The following POLR1B variants were observed in gnomAD, a reference collection of about 807,000 sequenced individuals.
POLR1B encodes the protein DNA-directed RNA polymerase I subunit RPA2.
In POLR1B, 30 loss-of-function variants were observed where a neutral mutation model predicts 105.8. That is an observed-to-expected ratio of 0.28 (90% CI 0.21 to 0.38). POLR1B has a LOEUF of 0.38. POLR1B is among the 10% of genes least tolerant of loss of function. POLR1B has a pLI of 1.00. For missense variants in POLR1B, 976 were observed against 1,435.8 expected (o/e 0.68, Z 5.17); for synonymous variants, 485 against 505.1 (o/e 0.96, Z 0.53).
intron 6 of POLR1B, 71 bp downstream of exon 6, chr2:112,552,069 GT>G: frequency 7.9e-7 from 1 of 1,269,022 alleles, no homozygotes; most frequent in African/African-American, 1.5e-5. Flanking sequence ...ATTGGTTGCA[GT>G]TTGGGCGGGC....
At chr2:112,542,806 A>G (rs1682831642) in intron 1 of POLR1B, 135 bp downstream of exon 1, 10 of 1,137,958 alleles carry the variant, frequency 8.8e-6, no homozygotes, top group Non-Finnish European at 1.1e-5. Flanking sequence ...GGAGAGCACA[A>G]CATGTTAAAC....
At chr2:112,547,761 A>T (rs1683133706) in intron 3 of POLR1B, among the ~76,000 whole-genome samples, 194 bp downstream of exon 3, 1 of 152,212 alleles carries the variant, frequency 6.6e-6, no homozygotes, top group South Asian at 2.1e-4. Flanking sequence ...TGGCTGTAAA[A>T]TTAGAGAATA....
Position 112,557,954 on chromosome 2 carries a change from TAAG to T in POLR1B, c.1207_1209del (p.Lys403del). The T allele has an allele frequency of 1.4e-6, 2 of 1,399,848 alleles. No individual in the cohort carries two copies. Among genetic ancestry groups the T allele is most frequent in the Non-Finnish European group, 1.9e-6 (2 of 1,063,570 alleles). 86.7% of individuals were successfully genotyped at this position (1,399,848 alleles called of 1,614,324 possible). On this transcript the variant is annotated inframe_deletion, in exon 8 of 15. Coordinates refer to ENST00000263331, the MANE Select transcript of POLR1B (RefSeq NM_019014.6). ...TAGTGTCTATTAAAATAGCTTTTGA[TAAG>T]AAGGCTCAGAAGACCAGTGTTTCCA...
At chr2:112,542,087 A>C (rs908319678), upstream of POLR1B, 1 of 1,533,804 alleles carries the variant, frequency 6.5e-7, no homozygotes, top group African/African-American at 1.4e-5. Context: ...GACTGGGAAC[A>C]GGTGAAGGGA....
upstream of POLR1B, chr2:112,542,251 G>A: frequency 6.5e-7 from 1 of 1,534,966 alleles, no homozygotes; most frequent in Non-Finnish European, 8.7e-7. Flanking sequence ...GAATATGGGA[G>A]AAAGGGAGGG....
intron 7 of POLR1B, among the ~76,000 whole-genome samples, chr2:112,555,036 C>T (rs138200335): frequency 3.9e-5 from 6 of 152,282 alleles, no homozygotes; most frequent in African/African-American, 1.4e-4. Flanking sequence ...TAAAAATTAG[C>T]TGGGCATGCT....
rs35318690 is a variant in POLR1B at position 112,552,769 on chromosome 2, A to C, written c.1111A>C (p.Asn371His). ...CMEDNPDSLV[N>H]QEVLTPGQLF... ...GGAGGACAATCCTGATAGTTTGGTG[A>C]ACCAGGAAGTCCTCACACCGGGTCA... Residue 371 changes from asparagine (N) to histidine (H), a missense_variant, in exon 7 of 15, where the codon AAC (asparagine) becomes CAC (histidine). This residue lies in a region of POLR1B where 452 missense variants were observed against 616.5 expected (regional missense o/e 0.73). Coordinates refer to ENST00000263331, the MANE Select transcript of POLR1B (RefSeq NM_019014.6). 757 of 1,608,772 alleles carry C rather than the reference A, an allele frequency of 4.7e-4. 3 individuals are homozygous for C. In the African/African-American group the frequency reaches 9.2e-3, roughly 20 times the overall value.
intron 14 of POLR1B, 55 bp from the exon 15 acceptor site, chr2:112,574,792 T>A: frequency 7.0e-7 from 1 of 1,436,898 alleles, no homozygotes; most frequent in Non-Finnish European, 9.5e-7. Flanking sequence ...CAATGAAACT[T>A]ATCTCCATAA....
chr2:112,552,499 T>C lies in POLR1B; in HGVS notation c.987-146T>C, dbSNP rs554051828. On this transcript the variant is annotated intron_variant, in intron 6 of 14. Coordinates refer to ENST00000263331, the MANE Select transcript of POLR1B (RefSeq NM_019014.6). ...CCAGTCACATGATAAGCACTTCAAATGTGGCCAGTGTAGCTCAAAAACTGA... is the reference window on the plus strand; with the variant it reads ...CCAGTCACATGATAAGCACTTCAAACGTGGCCAGTGTAGCTCAAAAACTGA... 7.6e-6 allele frequency: 6 copies of C among 793,254 alleles called. No homozygotes were observed. The South Asian group carries it at 1.1e-4, about 15-fold the overall frequency. 49.1% of individuals were successfully genotyped at this position (793,254 alleles called of 1,614,324 possible).
At chr2:112,543,173 G>A (rs191321622) in intron 1 of POLR1B, among the ~76,000 whole-genome samples, 2 of 152,328 alleles carry the variant, frequency 1.3e-5, no homozygotes, top group South Asian at 2.1e-4. Flanking sequence ...ATGAAAGCAA[G>A]ATTGAATCGA....
intron 5 of POLR1B, 144 bp downstream of exon 5, chr2:112,551,146 G>T: frequency 1.1e-6 from 1 of 876,396 alleles, no homozygotes; most frequent in Non-Finnish European, 1.8e-6. Context: ...AAATTCAATA[G>T]CTTAAAACTC....
At chr2:112,542,116 A>G, upstream of POLR1B, 3 of 1,535,690 alleles carry the variant, frequency 2.0e-6, no homozygotes, top group Non-Finnish European at 2.6e-6. Flanking sequence ...AGAGCCTGAG[A>G]AGACCGCTCT....
At position 112,575,399 on chromosome 2, in the gene POLR1B, TG is replaced by T; in HGVS notation, c.3083del (p.Gly1028GlufsTer19). 1 of 1,614,150 alleles carries T rather than the reference TG, an allele frequency of 6.2e-7. No individual in the cohort carries two copies. The highest frequency in any genetic ancestry group is 8.5e-7 in the Non-Finnish European group (1 of 1,180,028). On this transcript the variant is annotated frameshift_variant, in exon 15 of 15. Coordinates refer to ENST00000263331, the MANE Select transcript of POLR1B (RefSeq NM_019014.6). LOFTEE classifies it high-confidence loss of function. The surrounding 1 kb of genome is among the most constrained non-coding windows in gnomAD (Gnocchi z 5.3). ...ARDRVTNQPI[G>X]GRNVQGGIRF... ...GAGACAGAGTCACCAACCAGCCTATTGGGGGAAGAAATGTCCAGGGTGGAAT... is the reference window on the plus strand; with the variant it reads ...GAGACAGAGTCACCAACCAGCCTATTGGGGAAGAAATGTCCAGGGTGGAAT...
intron 7 of POLR1B, among the ~76,000 whole-genome samples, chr2:112,556,254 C>T (rs57390502): frequency 9.0e-6 from 1 of 111,456 alleles, no homozygotes; most frequent in Non-Finnish European, 1.8e-5. Context: ...TTGATAAAGT[C>T]CAAACCTACA....
intron 9 of POLR1B, among the ~76,000 whole-genome samples, chr2:112,559,882 G>T (rs1254462193): frequency 1.3e-5 from 2 of 151,988 alleles, no homozygotes; most frequent in Non-Finnish European, 2.9e-5. Flanking sequence ...TGCCTGCCTC[G>T]GCCTCCCAAA....
chr2:112,542,070 A>T (rs1682772898), upstream of POLR1B: 9 of 1,527,100 alleles, frequency 5.9e-6, no homozygotes, highest in Non-Finnish European at 7.9e-6. Flanking sequence ...GGTCGGCATC[A>T]GCGTGGGACT....
chr2:112,570,072 G>A (rs1425814630), intron 12 of POLR1B, among the ~76,000 whole-genome samples: 1 of 143,286 alleles, frequency 7.0e-6, no homozygotes, highest in Non-Finnish European at 1.5e-5. Context: ...TTCCCGAGAT[G>A]GAGTCTCACT....
At chr2:112,542,721 G>GC in intron 1 of POLR1B, 50 bp downstream of exon 1, 2 of 1,597,504 alleles carry the variant, frequency 1.3e-6, no homozygotes, top group South Asian at 2.2e-5. Flanking sequence ...CCAATCCCAG[G>GC]GAGGTGGCTG....
chr2:112,575,491 G>A lies in POLR1B; in HGVS notation c.3170G>A (p.Arg1057His). 1 of 1,614,088 alleles carries A rather than the reference G, an allele frequency of 6.2e-7. No homozygotes were observed. The highest frequency in any genetic ancestry group is 8.5e-7 in the Non-Finnish European group (1 of 1,180,030). The change falls in exon 15 of 15, where the codon CGC (arginine) becomes CAC (histidine). Residue 1057 changes from arginine (R) to histidine (H), a missense_variant. Arg to His is a conservative substitution (Grantham distance 29). Transcript: ENST00000263331. This position sits in a 1 kb window ranked among gnomAD's most constrained non-coding sequence, Gnocchi z 5.3. ...GGTACATCTTTTCTCCTTCATGACC[G>A]CCTCTTCAACTGCTCAGATCGGTCG... ...AHGTSFLLHDRLFNCSDRSVA... is the reference protein window; with the variant it reads ...AHGTSFLLHDHLFNCSDRSVA...
Sources: allele counts gnomAD v4.1 joint callset (sites outside exome capture counted in the v4.1 genomes callset), GRCh38; gene constraint gnomAD v4.1.1; regional missense constraint gnomAD v4.1.1; non-coding constraint Gnocchi (gnomAD v3.1); transcripts MANE v1.5; gene names NCBI Gene and HGNC (gene_info 2026-07-23, HGNC 2026-07-21).